TTLL5: variants seen among roughly 807,000 people sequenced by gnomAD.
TTLL5 encodes tubulin polyglutamylase TTLL5.
Under a neutral mutation model 168.4 loss-of-function variants are expected in TTLL5, and 132 were observed. The ratio of observed to expected loss-of-function variants is 0.78; its 90% confidence interval spans 0.68 to 0.91. The LOEUF (loss-of-function observed/expected upper bound fraction) is 0.91. Among genes scored for constraint, TTLL5 ranks in the 40% least tolerant of loss-of-function variants. The probability of loss-of-function intolerance (pLI) is 0.00; values close to 1 mark genes in which losing one functional copy is unlikely to be tolerated. For synonymous variants in TTLL5, 546 were observed against 558.6 expected (o/e 0.98, Z 0.32); for missense variants, 1,545 against 1,581.5 (o/e 0.98, Z 0.39).
At chr14:75,772,164 C>A (rs1183970242) in intron 21 of TTLL5, among the ~76,000 whole-genome samples, 1 of 152,118 alleles carries the variant, frequency 6.6e-6, no homozygotes, top group Non-Finnish European at 1.5e-5. Context: ...GTGCAAAGCC[C>A]TTTAAAAGAA....
intron 28 of TTLL5, among the ~76,000 whole-genome samples, chr14:75,850,205 G>A (rs1265566709): frequency 2.0e-5 from 3 of 151,804 alleles, no homozygotes; most frequent in Non-Finnish European, 2.9e-5. Context: ...CCGGGAGTTC[G>A]AGACCAGCCT....
chr14:75,783,924 C>T (rs1382887999), intron 26 of TTLL5, among the ~76,000 whole-genome samples: 1 of 152,060 alleles, frequency 6.6e-6, no homozygotes, highest in African/African-American at 2.4e-5. Context: ...GAATAAATAA[C>T]CAAAGAATTC....
intron 30 of TTLL5, among the ~76,000 whole-genome samples, chr14:75,901,083 A>G (rs1206417914): frequency 6.6e-6 from 1 of 152,224 alleles, no homozygotes; most frequent in Non-Finnish European, 1.5e-5. Flanking sequence ...CTCAGGTACA[A>G]CTTTTACACA....
chr14:75,849,799 A>G (rs1478572596), intron 28 of TTLL5, among the ~76,000 whole-genome samples: 7 of 152,194 alleles, frequency 4.6e-5, no homozygotes, highest in Admixed American at 6.5e-5. Context: ...TAATACTGTC[A>G]TTAAGAATAT....
At chr14:75,675,973 C>T (rs1241503486) in intron 3 of TTLL5, among the ~76,000 whole-genome samples, 1 of 152,160 alleles carries the variant, frequency 6.6e-6, no homozygotes, top group Non-Finnish European at 1.5e-5. Context: ...AGCCTGTGAG[C>T]CAGAGAGCCA....
chr14:75,855,981 A>G (rs565315180), intron 28 of TTLL5, among the ~76,000 whole-genome samples: 56 of 152,370 alleles, frequency 3.7e-4, no homozygotes, highest in Middle Eastern at 6.8e-3. Context: ...GAAGGCCCAG[A>G]TGATAGAATT....
intron 29 of TTLL5, among the ~76,000 whole-genome samples, chr14:75,868,835 A>G (rs906986748): frequency 2.0e-5 from 3 of 152,110 alleles, no homozygotes; most frequent in African/African-American, 7.2e-5. Flanking sequence ...GGGGAGGGGA[A>G]AGAAAGAGAA....
intron 29 of TTLL5, 71 bp downstream of exon 29, chr14:75,863,933 A>AAAAAAAAAAAAC: frequency 7.9e-7 from 1 of 1,268,266 alleles, no homozygotes; most frequent in Non-Finnish European, 1.0e-6. Context: ...AAAAAAAAAA[A>AAAAAAAAAAAAC]AGGTCAGTGA....
intron 17 of TTLL5, among the ~76,000 whole-genome samples, chr14:75,752,222 G>A (rs985399900): frequency 2.6e-5 from 4 of 152,170 alleles, no homozygotes; most frequent in South Asian, 2.1e-4. Context: ...ATCTGGGAAT[G>A]CAGCCCAGTA....
At chr14:75,903,902 A>T (rs867054163) in intron 31 of TTLL5, among the ~76,000 whole-genome samples, 3,795 of 136,504 alleles carry the variant, frequency 0.028, 161 homozygotes, top group African/African-American at 0.1. Flanking sequence ...CTCTAATTTA[A>T]AAAAAAAAAA....
At chr14:75,942,366 G>A (rs2034637301) in intron 31 of TTLL5, among the ~76,000 whole-genome samples, 1 of 152,110 alleles carries the variant, frequency 6.6e-6, no homozygotes, top group Non-Finnish European at 1.5e-5. Flanking sequence ...TTGATCATCA[G>A]TCAATCAACT....
rs1457570710 is a variant in TTLL5 at position 75,719,932 on chromosome 14, G to C, written c.934+106G>C. The C allele has an allele frequency of 4.2e-6, 5 of 1,192,786 alleles. No homozygotes were observed. In the Admixed American group the frequency reaches 9.5e-5, roughly 23 times the overall value. 73.9% of individuals were successfully genotyped at this position (1,192,786 alleles called of 1,614,324 possible). The stretch of plus-strand genomic sequence containing the variant: ...GTTGCTTTGATAGTGTTGCTGAGAC[G>C]GGATGATTGTCCTTGGTGTTACTTT... On this transcript the variant is annotated intron_variant, in intron 11 of 31. Transcript: ENST00000298832.
At chr14:75,821,218 C>T (rs1276153225) in intron 28 of TTLL5, among the ~76,000 whole-genome samples, 1 of 152,166 alleles carries the variant, frequency 6.6e-6, no homozygotes, top group Non-Finnish European at 1.5e-5. Context: ...TCCTGCGGTA[C>T]GGTGTCTTTC....
intron 27 of TTLL5, among the ~76,000 whole-genome samples, chr14:75,802,008 T>C (rs529222804): frequency 1.3e-5 from 2 of 152,290 alleles, no homozygotes; most frequent in South Asian, 2.1e-4. Context: ...TTAAATGTTT[T>C]TTGTTTCCTC....
At position 75,771,782 on chromosome 14, in the gene TTLL5, A is replaced by G. The variant is rs552646639; in HGVS notation, c.2064A>G (p.Gln688=). 3.7e-6 allele frequency: 6 copies of G among 1,614,068 alleles called. No individual in the cohort carries two copies. In the Admixed American group the frequency reaches 5.0e-5, roughly 13 times the overall value. ...TCTCTGCCTATCTCCAGCATGTTCA[A>G]ATTCGCCTGATGAAAGACAGTGGCG... ...IAFSAYLQHV[Q]IRLMKDSGGQ... Residue 688 remains glutamine (Q), a synonymous_variant, in exon 21 of 32, where the codon CAA becomes CAG. Transcript: ENST00000298832.
intron 18 of TTLL5, among the ~76,000 whole-genome samples, chr14:75,753,702 T>C (rs1238385172): frequency 6.6e-6 from 1 of 152,194 alleles, no homozygotes; most frequent in Non-Finnish European, 1.5e-5. Context: ...TTTGTGGTAA[T>C]TACGATTGAT....
chr14:75,882,289 G>C (rs2031859130), intron 29 of TTLL5, among the ~76,000 whole-genome samples: 1 of 152,148 alleles, frequency 6.6e-6, no homozygotes, highest in African/African-American at 2.4e-5. Context: ...AAGTCAAGCT[G>C]CAAGACAATT....
intron 23 of TTLL5, among the ~76,000 whole-genome samples, chr14:75,778,788 CTCA>C (rs1220717168): frequency 2.0e-5 from 3 of 152,188 alleles, no homozygotes; most frequent in African/African-American, 7.2e-5. Flanking sequence ...CCACTAGCCT[CTCA>C]TCTGTTTCCT....
chr14:75,690,206 C>G lies in TTLL5; in HGVS notation c.386C>G (p.Thr129Ser). 6.2e-7 allele frequency: 1 copy of G among 1,612,840 alleles called. No homozygotes were observed. Among genetic ancestry groups the G allele is most frequent in the South Asian group, 1.1e-5 (1 of 90,788 alleles). The stretch of plus-strand genomic sequence containing the variant: ...TGATTTTTCAGGTCTTATGAACTTA[C>G]CCGGAAGGACCGACTGTACAAAAAC... ...VNHFPRSYEL[T>S]RKDRLYKNII... The change falls in exon 6 of 32, where the codon ACC becomes AGC. Residue 129 changes from threonine (T) to serine (S), a missense_variant. Thr to Ser is a moderately conservative substitution (Grantham distance 58, BLOSUM62 1). Coordinates refer to ENST00000298832, the MANE Select transcript of TTLL5 (RefSeq NM_015072.5).
Sources: gnomAD v4.1 joint callset for allele counts (sites outside exome capture counted in the v4.1 genomes callset) on GRCh38, gnomAD v4.1.1 for gene constraint, MANE v1.5 for transcripts, NCBI Gene and HGNC (gene_info 2026-07-23, HGNC 2026-07-21) for gene names.